The following TMEM132C variants were observed in gnomAD, a reference collection of about 807,000 sequenced individuals.
TMEM132C encodes the protein transmembrane protein 132C, also known as protein phosphatase 1, regulatory subunit 152.
Under a neutral mutation model 61.4 loss-of-function variants are expected in TMEM132C, and 29 were observed. The ratio of observed to expected loss-of-function variants is 0.47; its 90% CI spans 0.35 to 0.64. The LOEUF (loss-of-function observed/expected upper bound fraction) is 0.64. Ranked by LOEUF, TMEM132C falls within the 30% of genes least tolerant of loss-of-function variation. The pLI is 0.00. For synonymous variants in TMEM132C, 656 were observed against 633.1 expected (o/e 1.04, Z -0.54); for missense variants, 1,408 against 1,476.9 (o/e 0.95, Z 0.76).
intron 2 of TMEM132C, among the ~76,000 whole-genome samples, chr12:128,506,976 C>G (rs1298010171): frequency 1.3e-5 from 2 of 152,112 alleles, no homozygotes; most frequent in South Asian, 2.1e-4. Flanking sequence ...GCCACTTTTC[C>G]TACCACCCCA....
chr12:128,457,930 G>A (rs1009658350), intron 2 of TMEM132C, among the ~76,000 whole-genome samples: 2 of 152,074 alleles, frequency 1.3e-5, no homozygotes, highest in African/African-American at 4.8e-5. Context: ...TTGCACTGCC[G>A]GCCACATGAC....
chr12:128,353,065 T>G (rs1873390553), intron 1 of TMEM132C, among the ~76,000 whole-genome samples: 1 of 152,128 alleles, frequency 6.6e-6, no homozygotes. Context: ...TTCTAAAAGA[T>G]CTTCTCTAGC....
At chr12:128,697,200 C>T (rs985199713) in intron 7 of TMEM132C, 24 bp from the exon 8 acceptor site, 11 of 1,481,498 alleles carry the variant, frequency 7.4e-6, no homozygotes, top group Non-Finnish European at 9.1e-6. Context: ...GATGGATTTT[C>T]CTTGTGTCCT....
At chr12:128,396,023 C>A (rs1047189628) in intron 1 of TMEM132C, among the ~76,000 whole-genome samples, 1 of 152,102 alleles carries the variant, frequency 6.6e-6, no homozygotes, top group African/African-American at 2.4e-5. Context: ...AGGCATGAAG[C>A]CCTTTAGTAG....
At chr12:128,498,028 T>C (rs1872029612) in intron 2 of TMEM132C, among the ~76,000 whole-genome samples, 1 of 152,230 alleles carries the variant, frequency 6.6e-6, no homozygotes, top group Admixed American at 6.5e-5. Flanking sequence ...TTCAGACCAC[T>C]GGCTCACAAT....
chr12:128,405,283 T>A (rs189966540), intron 1 of TMEM132C, among the ~76,000 whole-genome samples: 13 of 152,242 alleles, frequency 8.5e-5, no homozygotes, highest in Non-Finnish European at 1.6e-4. Flanking sequence ...GATTCCTTAA[T>A]CTGCTACCTC....
At chr12:128,506,777 C>T (rs896424904) in intron 2 of TMEM132C, among the ~76,000 whole-genome samples, 2 of 152,104 alleles carry the variant, frequency 1.3e-5, no homozygotes, top group East Asian at 1.9e-4. Context: ...GTAGACTTGG[C>T]GAATCAGAAT....
At chr12:128,427,020 G>A (rs1044076829) in intron 2 of TMEM132C, among the ~76,000 whole-genome samples, 2 of 152,162 alleles carry the variant, frequency 1.3e-5, no homozygotes, top group African/African-American at 4.8e-5. Context: ...AGGAGAGGCA[G>A]GATAAGGTGG....
At chr12:128,397,687 C>T (rs1186353782) in intron 1 of TMEM132C, among the ~76,000 whole-genome samples, 3 of 152,132 alleles carry the variant, frequency 2.0e-5, no homozygotes, top group East Asian at 1.9e-4. Flanking sequence ...TTCTCTTCTG[C>T]GTTCCAACCT....
At chr12:128,538,664 C>A (rs1873626325) in intron 2 of TMEM132C, among the ~76,000 whole-genome samples, 1 of 152,188 alleles carries the variant, frequency 6.6e-6, no homozygotes, top group East Asian at 1.9e-4. Flanking sequence ...CGCACAGAGG[C>A]AAAATTCTTT....
At chr12:128,297,379 A>G (rs1871446183) in intron 1 of TMEM132C, among the ~76,000 whole-genome samples, 3 of 152,218 alleles carry the variant, frequency 2.0e-5, no homozygotes, top group South Asian at 4.1e-4. Context: ...GTGCAGCCAG[A>G]TTCATTTAAA....
intron 4 of TMEM132C, among the ~76,000 whole-genome samples, chr12:128,650,192 T>A (rs1954253917): frequency 1.3e-5 from 2 of 152,126 alleles, no homozygotes; most frequent in Non-Finnish European, 2.9e-5. Flanking sequence ...ATGAGGCTTG[T>A]TTTTAATGCC....
intron 2 of TMEM132C, among the ~76,000 whole-genome samples, chr12:128,489,702 G>A (rs1010113635): frequency 6.6e-6 from 1 of 151,752 alleles, no homozygotes; most frequent in Non-Finnish European, 1.5e-5. Flanking sequence ...ATATATACAT[G>A]TGGGAATATA....
intron 1 of TMEM132C, among the ~76,000 whole-genome samples, chr12:128,294,773 AC>A (rs1356699365): frequency 6.6e-6 from 1 of 151,344 alleles, no homozygotes; most frequent in African/African-American, 2.4e-5. Context: ...ATGAGGCTCC[AC>A]CCCCGTGACC....
intron 4 of TMEM132C, among the ~76,000 whole-genome samples, chr12:128,619,974 T>C (rs527944135): frequency 5.0e-4 from 76 of 152,236 alleles, no homozygotes; most frequent in African/African-American, 1.6e-3. Context: ...CTCACACCTA[T>C]AATCCCAGGA....
chr12:128,480,623 C>T (rs35478532), intron 2 of TMEM132C, among the ~76,000 whole-genome samples: 1,805 of 152,136 alleles, frequency 0.012, 19 homozygotes, highest in Middle Eastern at 0.044. Context: ...AACAGCTGTC[C>T]TCTGTGAGGA....
Position 128,705,834 on chromosome 12 carries a change from C to T in TMEM132C, c.2866C>T (p.Gln956Ter). 1 of 1,551,706 alleles carries T rather than the reference C, an allele frequency of 6.4e-7. No homozygotes were observed. The highest frequency in any genetic ancestry group is 8.7e-7 in the Non-Finnish European group (1 of 1,147,058). The change falls in exon 9 of 9, where the codon CAA becomes TAA. Residue 956 changes from glutamine (Q) to a stop codon, truncating the protein, a stop_gained. Transcript: ENST00000435159. LOFTEE classifies it low-confidence loss of function (END_TRUNC). ...CTTTGCCCTGAAGTACAGGCACAAG[C>T]AAGTGCCCCTGGAAGGTCAGGCCTC... ...ATFALKYRHK[Q>*]VPLEGQASMT...
chr12:128,484,695 G>A (rs115053000), intron 2 of TMEM132C, among the ~76,000 whole-genome samples: 30 of 152,170 alleles, frequency 2.0e-4, no homozygotes, highest in Admixed American at 1.9e-3. Context: ...GGCGACTCAT[G>A]CCTGTAATCT....
intron 2 of TMEM132C, among the ~76,000 whole-genome samples, chr12:128,526,352 T>C (rs1873086595): frequency 6.6e-6 from 1 of 152,202 alleles, no homozygotes; most frequent in African/African-American, 2.4e-5. Flanking sequence ...TCCTGGTTTG[T>C]AGGGGCTGCC....
Sources: gnomAD v4.1 joint callset for allele counts (sites outside exome capture counted in the v4.1 genomes callset) on GRCh38, gnomAD v4.1.1 for gene constraint, MANE v1.5 for transcripts, NCBI Gene and HGNC (gene_info 2026-07-23, HGNC 2026-07-21) for gene names.